GRM5: variants seen among roughly 807,000 people sequenced by gnomAD.
GRM5 encodes metabotropic glutamate receptor 5.
GRM5 carries 19 observed loss-of-function variants against 83.1 expected under a neutral mutation model. That is an observed-to-expected ratio of 0.23 (90% confidence interval 0.16 to 0.34). The LOEUF is 0.34. GRM5 is among the 10% of genes least tolerant of loss of function. The probability of loss-of-function intolerance (pLI) is 1.00; values close to 1 mark genes in which losing one functional copy is unlikely to be tolerated. For synonymous variants in GRM5, 675 were observed against 633.6 expected (o/e 1.07, Z -0.98); for missense variants, 1,160 against 1,588.3 (o/e 0.73, Z 4.58).
intron 3 of GRM5, among the ~76,000 whole-genome samples, chr11:88,818,418 T>C (rs1943727772): frequency 1.3e-5 from 2 of 152,094 alleles, no homozygotes; most frequent in South Asian, 4.1e-4. Flanking sequence ...TTTGGCTCCA[T>C]AAAAATAAGA....
rs1239412262 is a variant in GRM5, at chr11:88,917,712, G to A, written c.662-67557C>T. ...CTGACAAACAGAAAAATGCATCAGAGTCTCTCAAGAGCAGAATGGATGAAG... is the reference window on the plus strand; with the variant it reads ...CTGACAAACAGAAAAATGCATCAGAATCTCTCAAGAGCAGAATGGATGAAG... On this transcript the variant is annotated intron_variant, in intron 2 of 9. Transcript: ENST00000305447. Among the ~76,000 whole-genome samples, 6 of 152,044 alleles carry A rather than the reference G, an allele frequency of 3.9e-5. No homozygotes were observed. In the South Asian group the frequency reaches 6.2e-4, roughly 16 times the overall value.
chr11:88,679,288 A>G (rs1940415483), intron 3 of GRM5, among the ~76,000 whole-genome samples: 2 of 152,138 alleles, frequency 1.3e-5, no homozygotes, highest in African/African-American at 4.8e-5. Flanking sequence ...AGAAGATTAT[A>G]TGACTTCTAA....
chr11:88,790,539 A>G (rs1251924121), intron 3 of GRM5, among the ~76,000 whole-genome samples: 3 of 152,186 alleles, frequency 2.0e-5, no homozygotes, highest in Non-Finnish European at 2.9e-5. Flanking sequence ...TTTTTAATAT[A>G]TAGAATAGTA....
chr11:88,915,183 G>T (rs1945567543), intron 2 of GRM5, among the ~76,000 whole-genome samples: 1 of 152,196 alleles, frequency 6.6e-6, no homozygotes, highest in Non-Finnish European at 1.5e-5. Context: ...GAGAAATTCA[G>T]TGAAGGAGGA....
chr11:89,001,940 G>A (rs1013646485), intron 2 of GRM5, among the ~76,000 whole-genome samples: 3 of 152,044 alleles, frequency 2.0e-5, no homozygotes, highest in Admixed American at 1.3e-4. Context: ...TGTTCTTAAT[G>A]CTCTAACTGA....
In GRM5 at chr11:88,918,205, C is replaced by A. The variant is rs1193065756; in HGVS notation, c.662-68050G>T. Among the ~76,000 whole-genome samples the A allele has an allele frequency of 6.2e-3, 927 of 149,302 alleles. 2 individuals carry two copies. The highest frequency in any genetic ancestry group is 0.011 in the African/African-American group (427 of 40,614). ...AAAATGCTGAAGGAAAAAAAAAAAACAAAAACAAACCAAACAAACAAACAA... is the reference window on the plus strand; with the variant it reads ...AAAATGCTGAAGGAAAAAAAAAAAAAAAAAACAAACCAAACAAACAAACAA... On this transcript the variant is annotated intron_variant, in intron 2 of 9. Transcript: ENST00000305447.
chr11:88,746,920 T>A (rs376302037), intron 3 of GRM5, among the ~76,000 whole-genome samples: 2 of 152,170 alleles, frequency 1.3e-5, no homozygotes, highest in African/African-American at 4.8e-5. Flanking sequence ...AGACCTTGTG[T>A]TTCTTTCTGA....
intron 1 of GRM5, among the ~76,000 whole-genome samples, chr11:89,064,683 CT>C (rs1477062469): frequency 3.3e-5 from 5 of 151,794 alleles, no homozygotes; most frequent in Admixed American, 1.3e-4. Context: ...GGTTAAGGGG[CT>C]TGTTCAAGGT....
intron 2 of GRM5, among the ~76,000 whole-genome samples, chr11:88,949,164 T>C (rs902336871): frequency 6.6e-6 from 1 of 152,232 alleles, no homozygotes; most frequent in Non-Finnish European, 1.5e-5. Context: ...AAAAGTACAG[T>C]GCCTAAGGCA....
intron 3 of GRM5, among the ~76,000 whole-genome samples, chr11:88,661,792 C>T (rs1939912916): frequency 6.6e-6 from 1 of 152,062 alleles, no homozygotes; most frequent in African/African-American, 2.4e-5. Context: ...CTCCTGGGCT[C>T]AGCCTCTGGA....
chr11:88,686,293 G>A (rs868199000), intron 3 of GRM5, among the ~76,000 whole-genome samples: 5 of 152,058 alleles, frequency 3.3e-5, no homozygotes, highest in African/African-American at 1.2e-4. Flanking sequence ...CTTTGTTTTG[G>A]ACAATTTCTC....
intron 3 of GRM5, among the ~76,000 whole-genome samples, chr11:88,770,216 C>T (rs1942704455): frequency 6.6e-6 from 1 of 151,894 alleles, no homozygotes; most frequent in Non-Finnish European, 1.5e-5. Flanking sequence ...CAAGAGGAGC[C>T]TAAGGAGTCC....
chr11:88,735,789 T>C (rs1355294407), intron 3 of GRM5, among the ~76,000 whole-genome samples: 1 of 152,066 alleles, frequency 6.6e-6, no homozygotes, highest in Non-Finnish European at 1.5e-5. Flanking sequence ...CGGGAGACAT[T>C]GACTGCGTTA....
chr11:88,585,082 C>G (rs573270389), intron 7 of GRM5, among the ~76,000 whole-genome samples: 1 of 152,282 alleles, frequency 6.6e-6, no homozygotes, highest in East Asian at 1.9e-4. Flanking sequence ...GAAGGAGCAT[C>G]CCTATCTCAG....
chr11:88,959,514 A>T (rs1938721164), intron 2 of GRM5, among the ~76,000 whole-genome samples: 1 of 152,142 alleles, frequency 6.6e-6, no homozygotes, highest in Non-Finnish European at 1.5e-5. Context: ...TTTAGATTTT[A>T]AAATGTCAAA....
intron 3 of GRM5, among the ~76,000 whole-genome samples, chr11:88,793,039 C>T (rs918285819): frequency 6.6e-6 from 1 of 151,990 alleles, no homozygotes; most frequent in African/African-American, 2.4e-5. Context: ...GAGTATAGCA[C>T]TAGCCTTATG....
intron 3 of GRM5, among the ~76,000 whole-genome samples, chr11:88,823,922 CTTTTT>C (rs1943846985): frequency 6.6e-6 from 1 of 152,114 alleles, no homozygotes; most frequent in East Asian, 1.9e-4. Context: ...CTTAAACAAA[CTTTTT>C]ATTATTCTTG....
intron 3 of GRM5, among the ~76,000 whole-genome samples, chr11:88,706,990 T>C (rs1941175579): frequency 6.6e-6 from 1 of 152,092 alleles, no homozygotes; most frequent in Non-Finnish European, 1.5e-5. Flanking sequence ...AAGTAGAACC[T>C]TCTTTCTGTG....
chr11:89,056,899 G>A (rs1941888507), intron 1 of GRM5, among the ~76,000 whole-genome samples: 1 of 152,028 alleles, frequency 6.6e-6, no homozygotes, highest in Admixed American at 6.6e-5. Flanking sequence ...GAAAACAATA[G>A]ACATATTTTA....
Sources: allele counts gnomAD v4.1 joint callset (sites outside exome capture counted in the v4.1 genomes callset), GRCh38; gene constraint gnomAD v4.1.1; transcripts MANE v1.5; gene names NCBI Gene and HGNC (gene_info 2026-07-23, HGNC 2026-07-21).